The following SPATA31H1 variants were observed in gnomAD, a reference collection of about 807,000 sequenced individuals.
The protein encoded by SPATA31H1 is SPATA31 subfamily H member 1.
chr2:27,543,489 C>CTT, the SPATA31H1 span, among the ~76,000 whole-genome samples: 94 of 145,872 alleles, frequency 6.4e-4, no homozygotes, highest in African/African-American at 1.7e-3. Context: ...ATGGCAAGGG[C>CTT]TTTTTTTTTG....
At chr2:27,555,627 T>C in the SPATA31H1 span, among the ~76,000 whole-genome samples, 1 of 151,790 alleles carries the variant, frequency 6.6e-6, no homozygotes, top group South Asian at 2.1e-4. Context: ...TGAGCTATGA[T>C]TGTGTCACCG....
At chr2:27,542,258 G>A in the SPATA31H1 span, among the ~76,000 whole-genome samples, 7 of 151,880 alleles carry the variant, frequency 4.6e-5, no homozygotes, top group East Asian at 7.8e-4. Context: ...TTAGCTGGGC[G>A]TGGTGGTGGG....
At chr2:27,578,242 G>T in the SPATA31H1 span, 1 of 1,614,046 alleles carries the variant, frequency 6.2e-7, no homozygotes, top group South Asian at 1.1e-5. Context: ...CACCACACAG[G>T]GCCATGTTTG....
chr2:27,562,425 T>G, the SPATA31H1 span, among the ~76,000 whole-genome samples: 1 of 149,962 alleles, frequency 6.7e-6, no homozygotes, highest in Non-Finnish European at 1.5e-5. Context: ...GGCTGAGAAT[T>G]ACTTGAGCCC....
At chr2:27,577,814 G>C in the SPATA31H1 span, 74 of 1,613,990 alleles carry the variant, frequency 4.6e-5, no homozygotes, top group Non-Finnish European at 6.2e-5. This position sits in a 1 kb window ranked among gnomAD's most constrained non-coding sequence, Gnocchi z 4.5. Context: ...TACAAATGGA[G>C]GAATCTTTAG....
chr2:27,579,702 G>T, the SPATA31H1 span: 1 of 1,614,208 alleles, frequency 6.2e-7, no homozygotes, highest in Non-Finnish European at 8.5e-7. Flanking sequence ...AGAAGATCTT[G>T]TTCCAATGGA....
chr2:27,539,115 TTTTTTTTTTTTA>T, the SPATA31H1 span, among the ~76,000 whole-genome samples: 7 of 141,322 alleles, frequency 5.0e-5, no homozygotes, highest in East Asian at 2.0e-4. Context: ...TTTTTTTTTT[TTTTTTTTTTTTA>T]ATTGATCATT....
chr2:27,582,237 T>C, the SPATA31H1 span: 1 of 1,613,664 alleles, frequency 6.2e-7, no homozygotes. Flanking sequence ...TCGCAGTCCC[T>C]CCGGGATGAG....
At chr2:27,558,986 TCC>T in the SPATA31H1 span, among the ~76,000 whole-genome samples, 2 of 151,992 alleles carry the variant, frequency 1.3e-5, no homozygotes, top group Admixed American at 1.3e-4. Context: ...TATTTTAAAA[TCC>T]ATGTTTTATT....
the SPATA31H1 span, chr2:27,581,272 G>T: frequency 3.1e-6 from 5 of 1,614,156 alleles, no homozygotes; most frequent in South Asian, 4.4e-5. Flanking sequence ...AGAAACCATC[G>T]CAGTCCCTCT....
At chr2:27,580,123 GAGAT>G in the SPATA31H1 span, 1 of 1,614,188 alleles carries the variant, frequency 6.2e-7, no homozygotes, top group Non-Finnish European at 8.5e-7. Flanking sequence ...TATCGTGAAA[GAGAT>G]AGACCCGTCA....
At chr2:27,577,895 G>A in the SPATA31H1 span, 5 of 1,613,986 alleles carry the variant, frequency 3.1e-6, no homozygotes, top group Non-Finnish European at 3.4e-6. This position sits in a 1 kb window ranked among gnomAD's most constrained non-coding sequence, Gnocchi z 4.5. Context: ...CTGAGGCACG[G>A]CAGCACAGGG....
At chr2:27,554,881 G>A in the SPATA31H1 span, among the ~76,000 whole-genome samples, 9 of 151,860 alleles carry the variant, frequency 5.9e-5, 1 homozygote, top group African/African-American at 9.7e-5. Flanking sequence ...GTCCTCTGGA[G>A]AATTTTTTGT....
the SPATA31H1 span, chr2:27,580,272 C>T: frequency 1.3e-5 from 21 of 1,613,978 alleles, no homozygotes; most frequent in Admixed American, 1.7e-4. Flanking sequence ...CTACATCAGG[C>T]GAGGACAACG....
At chr2:27,580,932 C>T in the SPATA31H1 span, 2 of 1,614,240 alleles carry the variant, frequency 1.2e-6, no homozygotes, top group Non-Finnish European at 1.7e-6. Flanking sequence ...ACCTCTTCGA[C>T]TGCCCAAGCC....
At chr2:27,539,353 C>A in the SPATA31H1 span, among the ~76,000 whole-genome samples, 15 of 142,628 alleles carry the variant, frequency 1.1e-4, no homozygotes, top group Non-Finnish European at 2.1e-4. Context: ...ATCTGTTTAA[C>A]AAAGCACATC....
chr2:27,560,456 G>A, the SPATA31H1 span, among the ~76,000 whole-genome samples: 574 of 150,690 alleles, frequency 3.8e-3, 2 homozygotes, highest in Admixed American at 8.0e-3. Flanking sequence ...TTTCCTCAAA[G>A]AGTATTTTTT....
At chr2:27,582,272 C>T in the SPATA31H1 span, 1 of 1,613,780 alleles carries the variant, frequency 6.2e-7, no homozygotes, top group Non-Finnish European at 8.5e-7. Flanking sequence ...CTGAGAGGAG[C>T]CATCGCAGTT....
At chr2:27,543,548 A>G in the SPATA31H1 span, among the ~76,000 whole-genome samples, 1 of 77,458 alleles carries the variant, frequency 1.3e-5, no homozygotes, top group Non-Finnish European at 2.4e-5. Flanking sequence ...CTAGGTTGGC[A>G]AAAAAAAAAA....
Sources: gnomAD v4.1 joint callset for allele counts (sites outside exome capture counted in the v4.1 genomes callset) on GRCh38, gnomAD v4.1.1 for gene constraint, Gnocchi (gnomAD v3.1) non-coding constraint, MANE v1.5 for transcripts, NCBI Gene and HGNC (gene_info 2026-07-23, HGNC 2026-07-21) for gene names.